The following DPP6 variants were observed in gnomAD, a reference collection of about 807,000 sequenced individuals.
The protein encoded by DPP6 is A-type potassium channel modulatory protein DPP6.
A neutral mutation model predicts 122.6 loss-of-function variants in DPP6; 69 were observed. The observed-to-expected ratio is 0.56, with a 90% CI of 0.46 to 0.69. The LOEUF (loss-of-function observed/expected upper bound fraction) is 0.69. Ranked by LOEUF, DPP6 falls within the 30% of genes least tolerant of loss-of-function variation. The pLI, the probability that DPP6 is intolerant of heterozygous loss-of-function variation, is 0.00. For synonymous variants in DPP6, 418 were observed against 433.1 expected (o/e 0.97, Z 0.43); for missense variants, 928 against 1,116.9 (o/e 0.83, Z 2.41).
chr7:154,892,251 A>G, intron 25 of DPP6, 83 bp from the exon 26 acceptor site: 1 of 1,583,926 alleles, frequency 6.3e-7, no homozygotes, highest in Non-Finnish European at 8.6e-7. Flanking sequence ...CCCAGGTTTC[A>G]CTAAACTCCA....
At chr7:153,776,407 G>T in the DPP6 span, among the ~76,000 whole-genome samples, 3 of 152,028 alleles carry the variant, frequency 2.0e-5, no homozygotes, top group African/African-American at 7.2e-5. Flanking sequence ...CCCTTTGCTT[G>T]GCACGTTTCC....
At chr7:154,856,911 T>C (rs567330278) in intron 17 of DPP6, among the ~76,000 whole-genome samples, 1 of 152,344 alleles carries the variant, frequency 6.6e-6, no homozygotes, top group East Asian at 1.9e-4. Flanking sequence ...CTGTGTGAAA[T>C]TTAACAGTGA....
chr7:154,665,356 A>G (rs1447202167), intron 6 of DPP6, among the ~76,000 whole-genome samples: 1 of 152,144 alleles, frequency 6.6e-6, no homozygotes, highest in Non-Finnish European at 1.5e-5. Context: ...GTAAAGACTC[A>G]TGGGTATTTA....
chr7:154,644,794 C>T (rs1836340351), intron 6 of DPP6, among the ~76,000 whole-genome samples: 1 of 151,310 alleles, frequency 6.6e-6, no homozygotes, highest in South Asian at 2.1e-4. Context: ...CTTCACCCTC[C>T]ACCTCCCAGG....
intron 3 of DPP6, among the ~76,000 whole-genome samples, chr7:154,495,551 G>A (rs546218899): frequency 2.6e-5 from 4 of 152,058 alleles, no homozygotes; most frequent in East Asian, 3.9e-4. Context: ...CACCATGCCC[G>A]GCTAATTTTT....
At chr7:154,244,930 A>C (rs567596795) in intron 1 of DPP6, among the ~76,000 whole-genome samples, 7 of 151,238 alleles carry the variant, frequency 4.6e-5, no homozygotes, top group Non-Finnish European at 1.0e-4. Flanking sequence ...AATTGAAGAC[A>C]TAACTGTATA....
At chr7:153,875,249 C>T in the DPP6 span, among the ~76,000 whole-genome samples, 1 of 152,158 alleles carries the variant, frequency 6.6e-6, no homozygotes, top group Non-Finnish European at 1.5e-5. Flanking sequence ...AATAGAACTC[C>T]ATATGCTCTA....
At chr7:154,253,258 G>C (rs889976636) in intron 1 of DPP6, among the ~76,000 whole-genome samples, 1 of 152,208 alleles carries the variant, frequency 6.6e-6, no homozygotes, top group Non-Finnish European at 1.5e-5. Context: ...TTGTTGGTGA[G>C]TGGGACATGT....
chr7:154,605,144 A>G (rs1185679703), intron 5 of DPP6, among the ~76,000 whole-genome samples: 1 of 118,958 alleles, frequency 8.4e-6, no homozygotes, highest in East Asian at 3.6e-4. Context: ...TATAGAGGTG[A>G]TCGTATTGTT....
At chr7:154,388,157 G>C (rs1814284447) in intron 1 of DPP6, among the ~76,000 whole-genome samples, 1 of 152,022 alleles carries the variant, frequency 6.6e-6, no homozygotes. Context: ...CAAAAAACTA[G>C]CTGGATGTGG....
At chr7:153,991,241 C>A (rs1197670105) in intron 1 of DPP6, among the ~76,000 whole-genome samples, 1 of 151,854 alleles carries the variant, frequency 6.6e-6, no homozygotes, top group African/African-American at 2.4e-5. Context: ...TCTGGCCTGC[C>A]TCTCTCATTG....
intron 1 of DPP6, among the ~76,000 whole-genome samples, chr7:154,151,072 C>A (rs746840831): frequency 1.3e-5 from 2 of 152,348 alleles, no homozygotes; most frequent in African/African-American, 4.8e-5. Flanking sequence ...TACCATTGTC[C>A]GTGCATAGCA....
chr7:154,872,373 A>G (rs947680789), intron 18 of DPP6, among the ~76,000 whole-genome samples: 3 of 152,224 alleles, frequency 2.0e-5, no homozygotes, highest in Non-Finnish European at 4.4e-5. Flanking sequence ...CCGTGCATTC[A>G]GTGCACTCCC....
At chr7:154,309,118 C>T (rs1237435072) in intron 1 of DPP6, among the ~76,000 whole-genome samples, 1 of 152,214 alleles carries the variant, frequency 6.6e-6, no homozygotes, top group Non-Finnish European at 1.5e-5. Flanking sequence ...TGCCTTTCCT[C>T]AAAAGATCTC....
the DPP6 span, among the ~76,000 whole-genome samples, chr7:153,833,780 A>G: frequency 1.3e-5 from 2 of 152,198 alleles, no homozygotes; most frequent in Non-Finnish European, 2.9e-5. Flanking sequence ...TTGCTGTACA[A>G]CATGGTCCTA....
At chr7:154,171,189 G>T (rs1797518207) in intron 1 of DPP6, among the ~76,000 whole-genome samples, 1 of 152,212 alleles carries the variant, frequency 6.6e-6, no homozygotes, top group African/African-American at 2.4e-5. Context: ...GCTCTATCAG[G>T]TAAAGGATTG....
At chr7:154,796,771 G>A (rs1272042694) in intron 12 of DPP6, among the ~76,000 whole-genome samples, 4 of 152,176 alleles carry the variant, frequency 2.6e-5, no homozygotes, top group African/African-American at 9.7e-5. Flanking sequence ...GAACATTCCA[G>A]CACTATAGAT....
intron 1 of DPP6, among the ~76,000 whole-genome samples, chr7:154,170,631 A>G (rs1281022735): frequency 4.6e-5 from 7 of 152,298 alleles, no homozygotes; most frequent in Non-Finnish European, 1.0e-4. Context: ...CTGGCTGCCA[A>G]CGGCTTGCCC....
chr7:154,461,616 C>T (rs886442808), intron 2 of DPP6, among the ~76,000 whole-genome samples: 6 of 152,148 alleles, frequency 3.9e-5, no homozygotes, highest in Non-Finnish European at 8.8e-5. Flanking sequence ...TTCTGATGAT[C>T]AATGATGTTG....
Sources: gnomAD v4.1 joint callset for allele counts (sites outside exome capture counted in the v4.1 genomes callset) on GRCh38, gnomAD v4.1.1 for gene constraint, MANE v1.5 for transcripts, NCBI Gene and HGNC (gene_info 2026-07-23, HGNC 2026-07-21) for gene names.